The following SGIP1 variants were observed in gnomAD, a reference collection of about 807,000 sequenced individuals.
SGIP1 encodes SH3-containing GRB2-like protein 3-interacting protein 1.
A neutral mutation model predicts 107.5 loss-of-function variants in SGIP1; 38 were observed. The observed-to-expected ratio is 0.35, with a 90% CI of 0.27 to 0.46. The LOEUF is 0.46. Ranked by LOEUF, SGIP1 falls within the 20% of genes least tolerant of loss-of-function variation. The probability of loss-of-function intolerance (pLI) is 1.00; values close to 1 mark genes in which losing one functional copy is unlikely to be tolerated. For missense variants in SGIP1, 929 were observed against 1,019.5 expected (o/e 0.91, Z 1.21); for synonymous variants, 365 against 366.1 (o/e 1.00, Z 0.03).
chr1:66,601,254 A>G (rs1045151776), intron 1 of SGIP1, among the ~76,000 whole-genome samples: 1 of 152,078 alleles, frequency 6.6e-6, no homozygotes, highest in Non-Finnish European at 1.5e-5. Context: ...AGTCCCAGCT[A>G]CTCGGGAGAC....
intron 1 of SGIP1, among the ~76,000 whole-genome samples, chr1:66,614,048 T>C (rs2149192328): frequency 6.6e-6 from 1 of 152,230 alleles, no homozygotes; most frequent in Admixed American, 6.5e-5. Context: ...GTGAAGAAAA[T>C]ACCAGTGATG....
chr1:66,596,790 A>T (rs1004846885), intron 1 of SGIP1, among the ~76,000 whole-genome samples: 4 of 151,990 alleles, frequency 2.6e-5, no homozygotes, highest in African/African-American at 9.7e-5. Context: ...ATTATTTCTT[A>T]CAACTACAAT....
intron 1 of SGIP1, among the ~76,000 whole-genome samples, chr1:66,589,204 A>C (rs377352686): frequency 1.7e-5 from 1 of 57,472 alleles, no homozygotes; most frequent in East Asian, 1.1e-3. Flanking sequence ...ATATATATAT[A>C]TATATATATA....
chr1:66,660,119 GGAAA>G lies in SGIP1; in HGVS notation c.460-374_460-371del, dbSNP rs1217131896. The G allele has an allele frequency of 1.0e-3, 97 of 92,770 alleles. 4 individuals carry two copies. Among genetic ancestry groups the G allele is most frequent in the South Asian group, 2.7e-3 (6 of 2,228 alleles). 5.7% of individuals were successfully genotyped at this position (92,770 alleles called of 1,614,324 possible). A position where few individuals can be genotyped will look rare whatever the true frequency, so the allele number is the denominator to read the frequency against. ...AAGGAAGGAAGAAGGAAGGAAGGAA[GGAAA>G]GAAAGAAAGAAAGAAAGAAGAGAGA... is the stretch of plus-strand genomic sequence containing the variant. On this transcript the variant is annotated intron_variant, in intron 7 of 24. Transcript: ENST00000371037.
intron 1 of SGIP1, among the ~76,000 whole-genome samples, chr1:66,542,248 A>C (rs2055149878): frequency 6.6e-6 from 1 of 152,190 alleles, no homozygotes; most frequent in Admixed American, 6.5e-5. Flanking sequence ...TGGTAAAGTT[A>C]ATTTGTAAAT....
At position 66,631,681 on chromosome 1, in the gene SGIP1, T is replaced by TTCTCTCTCTCTCTCTCTC. The variant is rs71058468; in HGVS notation, c.75-1359_75-1342dup. On this transcript the variant is annotated intron_variant, in intron 2 of 24. Transcript: ENST00000371037. ...TCTCTCTCTCTTTCTCTCTCTCTCT[T>TTCTCTCTCTCTCTCTCTC]TCTCTCTCTCTCTCTCTCTCTCTCT... 4.3e-4 allele frequency among the ~76,000 whole-genome samples: 57 copies of TTCTCTCTCTCTCTCTCTC among 132,246 alleles called. 1 individual carries two copies. The highest frequency in any genetic ancestry group is 6.5e-4 in the African/African-American group (23 of 35,254). 86.8% of individuals were successfully genotyped at this position (132,246 alleles called of 152,430 possible).
Position 66,681,896 on chromosome 1 carries a change from A to G in SGIP1, c.842A>G (p.Lys281Arg). ...AATGACCAGTCAGCCACAGAGGTCAAAATTGAAAAACTACCATCCATCAAT... is the reference window on the plus strand; with the variant it reads ...AATGACCAGTCAGCCACAGAGGTCAGAATTGAAAAACTACCATCCATCAAT... ...PGNDQSATEV[K>R]IEKLPSINDL... is the part of the protein sequence containing the mutation. The change falls in exon 15 of 25, where the codon AAA becomes AGA. Residue 281 changes from lysine (K) to arginine (R), a missense_variant. Coordinates refer to ENST00000371037, the MANE Select transcript of SGIP1 (RefSeq NM_032291.4). The G allele has an allele frequency of 6.2e-7, 1 of 1,613,586 alleles. No homozygotes were observed. The highest frequency in any genetic ancestry group is 8.5e-7 in the Non-Finnish European group (1 of 1,179,644).
intron 24 of SGIP1, 50 bp downstream of exon 24, chr1:66,741,486 C>G (rs754849244): frequency 1.1e-5 from 16 of 1,508,866 alleles, no homozygotes; most frequent in Middle Eastern, 3.5e-4. Flanking sequence ...GTTGCCTTGG[C>G]TACTCTTAAG....
At chr1:66,703,786 GTA>G (rs2092231265) in intron 18 of SGIP1, among the ~76,000 whole-genome samples, 1 of 150,888 alleles carries the variant, frequency 6.6e-6, no homozygotes, top group Non-Finnish European at 1.5e-5. Flanking sequence ...TAATGTTTTT[GTA>G]TATGATATAT....
At chr1:66,627,502 T>C (rs1250680569) in intron 2 of SGIP1, among the ~76,000 whole-genome samples, 1 of 152,130 alleles carries the variant, frequency 6.6e-6, no homozygotes, top group African/African-American at 2.4e-5. Context: ...GCTACTTCCA[T>C]AGGCAGTGGG....
intron 18 of SGIP1, among the ~76,000 whole-genome samples, chr1:66,710,197 C>T (rs1168906179): frequency 6.6e-6 from 1 of 152,072 alleles, no homozygotes; most frequent in African/African-American, 2.4e-5. Flanking sequence ...TTCACAATGT[C>T]ACAGGAGCAC....
At position 66,740,663 on chromosome 1, in the gene SGIP1, C is replaced by G. The variant is rs1202477780; in HGVS notation, c.2240C>G (p.Ala747Gly). The change falls in exon 23 of 25, where the codon GCT becomes GGT. Residue 747 changes from alanine (A) to glycine (G), a missense_variant. This residue lies in a region of SGIP1 where 341 missense variants were observed against 430.9 expected (regional missense o/e 0.79). Transcript: ENST00000371037. ...TTTACCTAATTTATTTTTAGGAATG[C>G]TGAACAACAGAGAATATTGTGGAAG... Reference protein sequence around the residue: ...QAVLPPAVWNAEQQRILWKIP... With the variant: ...QAVLPPAVWNGEQQRILWKIP... 2 of 1,603,552 alleles carry G rather than the reference C, an allele frequency of 1.2e-6. No homozygotes were observed. Among genetic ancestry groups the G allele is most frequent in the African/African-American group, 1.3e-5 (1 of 74,700 alleles).
At chr1:66,630,841 A>AAGAGAGAGAGAGAGAG (rs1427132139) in intron 2 of SGIP1, among the ~76,000 whole-genome samples, 3 of 17,958 alleles carry the variant, frequency 1.7e-4, no homozygotes, top group Admixed American at 7.9e-4. Flanking sequence ...GAAAGAAAGA[A>AAGAGAGAGAGAGAGAG]AGAAAGAAAG....
Position 66,729,410 on chromosome 1 carries a change from T to A in SGIP1, c.1889T>A (p.Leu630His). ...GAACACGTCCTGCCAAACCCCCAAC[T>A]TCTCTGCTGGTAAATATGATTTTGC... ...RLEHVLPNPQ[L>H]LCCDNTQNDA... Residue 630 changes from leucine to histidine, a missense_variant, in exon 20 of 25, where the codon CTT (leucine) becomes CAT (histidine). Leu to His is a moderately conservative substitution (Grantham distance 99). Transcript: ENST00000371037. 1.2e-6 allele frequency: 2 copies of A among 1,614,130 alleles called. No homozygotes were observed. Among genetic ancestry groups the A allele is most frequent in the Non-Finnish European group, 1.7e-6 (2 of 1,179,988 alleles).
At chr1:66,718,787 T>C (rs2093377721) in intron 18 of SGIP1, among the ~76,000 whole-genome samples, 1 of 152,148 alleles carries the variant, frequency 6.6e-6, no homozygotes, top group Non-Finnish European at 1.5e-5. Flanking sequence ...AACTTGAGCT[T>C]ACTTGATCTG....
At chr1:66,607,500 T>C (rs904279866) in intron 1 of SGIP1, among the ~76,000 whole-genome samples, 2 of 152,150 alleles carry the variant, frequency 1.3e-5, no homozygotes, top group Non-Finnish European at 2.9e-5. Context: ...TGGCTGAAAG[T>C]ATTTGAAGTG....
At chr1:66,599,657 GC>G (rs780698672) in intron 1 of SGIP1, among the ~76,000 whole-genome samples, 1 of 152,142 alleles carries the variant, frequency 6.6e-6, no homozygotes, top group Non-Finnish European at 1.5e-5. Context: ...CTTAATAGCT[GC>G]CCCACTTGAT....
intron 1 of SGIP1, among the ~76,000 whole-genome samples, chr1:66,602,323 G>A (rs960562069): frequency 3.3e-5 from 5 of 152,082 alleles, no homozygotes; most frequent in African/African-American, 7.2e-5. Context: ...CCTTAGAATC[G>A]CCTGGAGACC....
At chr1:66,645,990 G>GCCA (rs537350941) in intron 7 of SGIP1, among the ~76,000 whole-genome samples, 2 of 152,038 alleles carry the variant, frequency 1.3e-5, no homozygotes, top group Non-Finnish European at 2.9e-5. Context: ...ACAGGCACGT[G>GCCA]CCACCATGCC....
Sources: allele counts gnomAD v4.1 joint callset (sites outside exome capture counted in the v4.1 genomes callset), GRCh38; gene constraint gnomAD v4.1.1; regional missense constraint gnomAD v4.1.1; transcripts MANE v1.5; gene names NCBI Gene and HGNC (gene_info 2026-07-23, HGNC 2026-07-21).